Variants in CHSY3 observed in about 807,000 individuals in gnomAD.
CHSY3 encodes the protein chondroitin sulfate synthase 3.
In CHSY3, 35 loss-of-function variants were observed where a neutral mutation model predicts 67.2. The observed-to-expected ratio is 0.52, with a 90% CI of 0.40 to 0.69. CHSY3 has a LOEUF of 0.69. CHSY3 is among the 30% of genes least tolerant of loss of function. The pLI is 0.00. For missense variants in CHSY3, 1,069 were observed against 1,138.5 expected (o/e 0.94, Z 0.88); for synonymous variants, 474 against 434.7 (o/e 1.09, Z -1.12).
chr5:130,157,588 T>TA (rs952437342), intron 2 of CHSY3, among the ~76,000 whole-genome samples: 1 of 152,214 alleles, frequency 6.6e-6, no homozygotes, highest in African/African-American at 2.4e-5. Flanking sequence ...CACATCTGTC[T>TA]AAAAAAGAGT....
intron 2 of CHSY3, among the ~76,000 whole-genome samples, chr5:129,978,646 G>A (rs575242273): frequency 6.6e-6 from 1 of 152,158 alleles, no homozygotes; most frequent in Non-Finnish European, 1.5e-5. Flanking sequence ...ATGAAGATAA[G>A]CCTATAATGT....
At chr5:129,970,889 C>T (rs1344401494) in intron 2 of CHSY3, among the ~76,000 whole-genome samples, 1 of 151,840 alleles carries the variant, frequency 6.6e-6, no homozygotes, top group Non-Finnish European at 1.5e-5. Flanking sequence ...CTGTTTATAA[C>T]TCTAAATTAT....
At chr5:130,013,081 C>T (rs568235281) in intron 2 of CHSY3, among the ~76,000 whole-genome samples, 1 of 151,976 alleles carries the variant, frequency 6.6e-6, no homozygotes, top group Admixed American at 6.6e-5. Flanking sequence ...GTCTGAAATC[C>T]AACAGGCCAG....
At chr5:130,082,227 G>A (rs1425612256) in intron 2 of CHSY3, among the ~76,000 whole-genome samples, 2 of 152,018 alleles carry the variant, frequency 1.3e-5, no homozygotes, top group Non-Finnish European at 2.9e-5. Context: ...AAGGCCAGCA[G>A]AAATGACATT....
chr5:130,037,651 C>T (rs1166585893), intron 2 of CHSY3, among the ~76,000 whole-genome samples: 2 of 151,860 alleles, frequency 1.3e-5, no homozygotes, highest in Admixed American at 6.6e-5. Context: ...TCCTTTTACC[C>T]CATAATTTAC....
At chr5:130,175,188 C>T (rs957552628) in intron 2 of CHSY3, among the ~76,000 whole-genome samples, 6 of 152,096 alleles carry the variant, frequency 3.9e-5, no homozygotes, top group African/African-American at 7.2e-5. Context: ...GTGCAAAAAT[C>T]ACAAGCATTT....
chr5:129,992,238 A>G (rs994560416), intron 2 of CHSY3, among the ~76,000 whole-genome samples: 11 of 152,320 alleles, frequency 7.2e-5, no homozygotes, highest in African/African-American at 2.6e-4. Context: ...CAGTCACAAC[A>G]ACAATAAAAG....
intron 2 of CHSY3, among the ~76,000 whole-genome samples, chr5:129,964,026 T>C (rs925814610): frequency 6.6e-6 from 1 of 151,940 alleles, no homozygotes. Flanking sequence ...GGATGGTATA[T>C]TGCCAGTCAG....
At chr5:130,111,069 A>G (rs1767578701) in intron 2 of CHSY3, among the ~76,000 whole-genome samples, 1 of 152,054 alleles carries the variant, frequency 6.6e-6, no homozygotes, top group Non-Finnish European at 1.5e-5. Context: ...AAAAGGATGT[A>G]TGATCATATG....
At chr5:130,053,334 A>G (rs1198776193) in intron 2 of CHSY3, among the ~76,000 whole-genome samples, 1 of 152,164 alleles carries the variant, frequency 6.6e-6, no homozygotes, top group Non-Finnish European at 1.5e-5. Flanking sequence ...GTTAAAAGTA[A>G]TAAGGAAGCA....
chr5:130,058,698 AGCTATCAGTTTT>A (rs1170540186), intron 2 of CHSY3, among the ~76,000 whole-genome samples: 1 of 152,252 alleles, frequency 6.6e-6, no homozygotes, highest in Non-Finnish European at 1.5e-5. Flanking sequence ...TTCTATTTTC[AGCTATCAGTTTT>A]CTGTGGCTGT....
At chr5:130,177,619 A>T (rs896306724) in intron 2 of CHSY3, among the ~76,000 whole-genome samples, 17 of 152,152 alleles carry the variant, frequency 1.1e-4, no homozygotes, top group Admixed American at 1.1e-3. Flanking sequence ...TGAGAAGTCT[A>T]TAGACATGCT....
intron 2 of CHSY3, among the ~76,000 whole-genome samples, chr5:130,066,616 T>A (rs904269147): frequency 1.3e-5 from 2 of 152,144 alleles, no homozygotes; most frequent in Non-Finnish European, 2.9e-5. Flanking sequence ...AGTCCTTAGG[T>A]TAGTAAAGCT....
intron 2 of CHSY3, among the ~76,000 whole-genome samples, chr5:130,143,039 G>A (rs982210170): frequency 2.6e-5 from 4 of 152,196 alleles, no homozygotes; most frequent in African/African-American, 9.7e-5. Context: ...TTGATCTACT[G>A]TTAATGCTAT....
intron 2 of CHSY3, among the ~76,000 whole-genome samples, chr5:129,946,165 G>A (rs1761849833): frequency 6.6e-6 from 1 of 152,108 alleles, no homozygotes; most frequent in African/African-American, 2.4e-5. Flanking sequence ...TATGTGGCTT[G>A]ATGTTAAATA....
intron 2 of CHSY3, among the ~76,000 whole-genome samples, chr5:129,957,007 C>A (rs1762196553): frequency 6.6e-6 from 1 of 151,858 alleles, no homozygotes; most frequent in African/African-American, 2.4e-5. Context: ...TGAGGAATGT[C>A]ATTGGTAGTT....
At chr5:129,992,636 G>A (rs919910282) in intron 2 of CHSY3, among the ~76,000 whole-genome samples, 4 of 152,152 alleles carry the variant, frequency 2.6e-5, no homozygotes, top group Non-Finnish European at 4.4e-5. Flanking sequence ...TGTTGTTGGA[G>A]GTGCTATGAG....
At chr5:129,957,713 T>C (rs1453863913) in intron 2 of CHSY3, among the ~76,000 whole-genome samples, 1 of 152,184 alleles carries the variant, frequency 6.6e-6, no homozygotes, top group African/African-American at 2.4e-5. Flanking sequence ...ATTACTTCCT[T>C]GCCTCTCATG....
chr5:130,099,002 G>A (rs1767141097), intron 2 of CHSY3, among the ~76,000 whole-genome samples: 1 of 152,106 alleles, frequency 6.6e-6, no homozygotes. Flanking sequence ...CACCTGGACA[G>A]ATTTAAATTC....
Sources: gnomAD v4.1 joint callset for allele counts (sites outside exome capture counted in the v4.1 genomes callset) on GRCh38, gnomAD v4.1.1 for gene constraint, MANE v1.5 for transcripts, NCBI Gene and HGNC (gene_info 2026-07-23, HGNC 2026-07-21) for gene names.